The following MACF1 variants were observed in gnomAD, a reference collection of about 807,000 sequenced individuals.
MACF1 encodes the protein microtubule-actin cross-linking factor 1.
Under a neutral mutation model 854.8 loss-of-function variants are expected in MACF1, and 193 were observed. The observed-to-expected ratio is 0.23, with a 90% CI of 0.20 to 0.25. The LOEUF (loss-of-function observed/expected upper bound fraction) is 0.25, where lower values mean the gene tolerates loss of function less well. Among genes scored for constraint, MACF1 ranks in the 10% least tolerant of loss-of-function variants. The pLI, the probability that MACF1 is intolerant of heterozygous loss-of-function variation, is 1.00. For synonymous variants in MACF1, 3,185 were observed against 3,226.7 expected, an observed-to-expected ratio of 0.99 and a Z score of 0.44; for missense variants, 7,722 against 8,929.1, an observed-to-expected ratio of 0.86 and a Z score of 5.45.
chr1:39,442,604 A>T, intron 77 of MACF1, 37 bp downstream of exon 77: 1 of 1,612,610 alleles, frequency 6.2e-7, no homozygotes, highest in Non-Finnish European at 8.5e-7. Context: ...AACCCTATTG[A>T]TTTGAGACCA....
chr1:39,416,570 G>A (rs1643320596), intron 58 of MACF1, among the ~76,000 whole-genome samples: 2 of 151,970 alleles, frequency 1.3e-5, no homozygotes, highest in Admixed American at 6.6e-5. Flanking sequence ...TAAATTTATA[G>A]TGAGGCAATC....
At chr1:39,268,525 C>G (rs908456366) in intron 6 of MACF1, 1 of 1,147,388 alleles carries the variant, frequency 8.7e-7, no homozygotes, top group Non-Finnish European at 1.1e-6. Flanking sequence ...GAATCGGCAG[C>G]GGCTGGAAGA....
rs757244198 is a variant in MACF1 at position 39,353,215 on chromosome 1, A to T, written c.11408A>T (p.Gln3803Leu). The change falls in exon 44 of 101, where the codon CAA (glutamine) becomes CTA (leucine). Residue 3803 changes from glutamine (Q) to leucine (L), a missense_variant. By Grantham distance (113) the Gln-to-Leu change is moderately radical. Coordinates refer to ENST00000564288, the MANE Select transcript of MACF1 (RefSeq NM_001394062.1). ...CAAGCCCCAGAGAAACTGGACAAGCAATGTGAGATGATGAAGGTAAGGGTG... is the reference window on the plus strand; with the variant it reads ...CAAGCCCCAGAGAAACTGGACAAGCTATGTGAGATGATGAAGGTAAGGGTG... ...VNQAPEKLDK[Q>L]CEMMKARHQE... The T allele has an allele frequency of 1.9e-6, 3 of 1,605,142 alleles. No individual in the cohort carries two copies. In the African/African-American group the frequency reaches 4.0e-5, roughly 21 times the overall value.
Position 39,448,030 on chromosome 1 carries a change from T to C in MACF1, c.19969-3T>C, listed in dbSNP as rs985557887. 1.2e-6 allele frequency: 2 copies of C among 1,614,046 alleles called. No individual in the cohort carries two copies. The highest frequency in any genetic ancestry group is 1.6e-4 in the Middle Eastern group (1 of 6,062). On this transcript the variant is annotated splice_polypyrimidine_tract_variant and splice_region_variant and intron_variant, in intron 82 of 100. Coordinates refer to ENST00000564288, the MANE Select transcript of MACF1 (RefSeq NM_001394062.1). Reference sequence around the variant, plus strand: ...TGTTAACTTATTTCTTATGTAATTTTAGTTCCATGAAGCTTGGAAAAAACT... The same window carrying C: ...TGTTAACTTATTTCTTATGTAATTTCAGTTCCATGAAGCTTGGAAAAAACT...
chr1:39,217,745 C>T (rs1434988476), intron 1 of MACF1, among the ~76,000 whole-genome samples: 3 of 151,582 alleles, frequency 2.0e-5, no homozygotes, highest in African/African-American at 4.8e-5. Flanking sequence ...GGTGTGGTGG[C>T]GTGCGCCTAT....
intron 56 of MACF1, 31 bp from the exon 57 acceptor site, chr1:39,385,403 T>C: frequency 6.2e-7 from 1 of 1,605,992 alleles, no homozygotes. Context: ...TTTTTTCCTG[T>C]CTAAACATCT....
At chr1:39,257,278 G>T (rs551605094) in intron 5 of MACF1, among the ~76,000 whole-genome samples, 1 of 151,406 alleles carries the variant, frequency 6.6e-6, no homozygotes, top group East Asian at 2.0e-4. Context: ...GGATCTCAAG[G>T]GCATTATGCC....
At chr1:39,175,421 C>T (rs1314073044) in intron 2 of MACF1, among the ~76,000 whole-genome samples, 1 of 152,198 alleles carries the variant, frequency 6.6e-6, no homozygotes, top group Non-Finnish European at 1.5e-5. Flanking sequence ...TGAAGAGGCA[C>T]ACCGGACTTA....
Position 39,448,705 on chromosome 1 carries a change from A to T in MACF1, c.20200A>T (p.Asn6734Tyr). 6.2e-7 allele frequency: 1 copy of T among 1,613,530 alleles called. No individual in the cohort carries two copies. Among genetic ancestry groups the T allele is most frequent in the Non-Finnish European group, 8.5e-7 (1 of 1,179,628 alleles). Reference sequence around the variant, plus strand: ...TCCCGAAGATAGTCAGAAACTTGACAATTTCCTAGGAGAAGTCAGAGACAA... The same window carrying T: ...TCCCGAAGATAGTCAGAAACTTGACTATTTCCTAGGAGAAGTCAGAGACAA... Reference protein sequence around the residue: ...LLPEDSQKLDNFLGEVRDKWD... With the variant: ...LLPEDSQKLDYFLGEVRDKWD... The change falls in exon 84 of 101, where the codon AAT becomes TAT. Residue 6734 changes from asparagine (N) to tyrosine (Y), a missense_variant. This residue lies in a region of MACF1 where 729 missense variants were observed against 900.5 expected (regional missense o/e 0.81). Coordinates refer to ENST00000564288, the MANE Select transcript of MACF1 (RefSeq NM_001394062.1).
chr1:39,329,722 G>C (rs1297697868), intron 36 of MACF1, among the ~76,000 whole-genome samples: 1 of 152,180 alleles, frequency 6.6e-6, no homozygotes, highest in Non-Finnish European at 1.5e-5. Context: ...GTTGTAAGTG[G>C]TTAAACACTT....
At chr1:39,291,182 G>A (rs1410250839) in intron 15 of MACF1, among the ~76,000 whole-genome samples, 26 of 137,542 alleles carry the variant, frequency 1.9e-4, no homozygotes, top group East Asian at 8.9e-4. Flanking sequence ...TCACCATGTT[G>A]GCCAGGCTGG....
chr1:39,268,597 T>G, intron 6 of MACF1: 1 of 1,189,208 alleles, frequency 8.4e-7, no homozygotes, highest in Non-Finnish European at 1.1e-6. Flanking sequence ...TAGTGCATGT[T>G]TTTAAATGTG....
In MACF1 at chr1:39,484,647, T is replaced by C; in HGVS notation, c.22328T>C (p.Phe7443Ser). The stretch of plus-strand genomic sequence containing the variant: ...AAGTTGAAACGACCAACACCAACTT[T>C]TCATTCTAGTCGGACATCCCTTGCT... ...GSKLKRPTPT[F>S]HSSRTSLAGD... The change falls in exon 100 of 101, where the codon TTT (phenylalanine) becomes TCT (serine). Residue 7443 changes from phenylalanine to serine, a missense_variant. Phe to Ser is a radical substitution (Grantham distance 155). This residue lies in a region of MACF1 where 185 missense variants were observed against 225.7 expected (regional missense o/e 0.82). Transcript: ENST00000564288. The C allele has an allele frequency of 6.2e-7, 1 of 1,614,116 alleles. No homozygotes were observed. The highest frequency in any genetic ancestry group is 1.3e-5 in the African/African-American group (1 of 75,052).
chr1:39,324,078 A>G, intron 33 of MACF1, 115 bp from the exon 34 acceptor site: 1 of 1,066,094 alleles, frequency 9.4e-7, no homozygotes, highest in South Asian at 1.7e-5. Flanking sequence ...TTCACAGCCC[A>G]CTTATTTAGG....
intron 2 of MACF1, among the ~76,000 whole-genome samples, chr1:39,114,557 C>G (rs1033979025): frequency 6.6e-6 from 1 of 152,154 alleles, no homozygotes; most frequent in Non-Finnish European, 1.5e-5. Context: ...CGCCATTGCA[C>G]TCCAGCCTGG....
chr1:39,380,885 C>T (rs1650124879), intron 55 of MACF1, among the ~76,000 whole-genome samples: 1 of 151,934 alleles, frequency 6.6e-6, no homozygotes, highest in Non-Finnish European at 1.5e-5. Flanking sequence ...GAACTCCAAC[C>T]TGGGCAACAG....
chr1:39,346,255 G>T (rs918182030), intron 40 of MACF1, among the ~76,000 whole-genome samples: 2 of 151,566 alleles, frequency 1.3e-5, no homozygotes, highest in African/African-American at 4.8e-5. Context: ...CCAGCTACTC[G>T]AGAGGCTGAG....
chr1:39,387,074 C>A, intron 57 of MACF1, 113 bp from the exon 58 acceptor site: 3 of 1,147,666 alleles, frequency 2.6e-6, no homozygotes, highest in African/African-American at 1.5e-5. Flanking sequence ...TTTTGGTAGG[C>A]CCTCAAGTAA....
At chr1:39,152,786 TCTTCCTCTACTCA>T (rs1643608643) in intron 2 of MACF1, among the ~76,000 whole-genome samples, 12 of 152,152 alleles carry the variant, frequency 7.9e-5, no homozygotes, top group African/African-American at 2.9e-4. Flanking sequence ...TATTTTGCCT[TCTTCCTCTACTCA>T]AAAGCAACAA....
Sources: gnomAD v4.1 joint callset for allele counts (sites outside exome capture counted in the v4.1 genomes callset) on GRCh38, gnomAD v4.1.1 for gene constraint, gnomAD v4.1.1 regional missense constraint, MANE v1.5 for transcripts, NCBI Gene and HGNC (gene_info 2026-07-23, HGNC 2026-07-21) for gene names.